Variants in UGGT1 observed in about 807,000 individuals in gnomAD.
UGGT1 encodes UDP-glucose:glycoprotein glucosyltransferase 1.
A neutral mutation model predicts 203.9 loss-of-function variants in UGGT1; 107 were observed. The observed-to-expected ratio is 0.52, with a 90% confidence interval of 0.45 to 0.62. UGGT1 has a LOEUF of 0.62. UGGT1 is among the 20% of genes least tolerant of loss of function. UGGT1 has a pLI of 0.00. For synonymous variants in UGGT1, 628 were observed against 653.5 expected (o/e 0.96, Z 0.59); for missense variants, 1,673 against 1,867.2 (o/e 0.90, Z 1.92).
chr2:128,188,243 C>T (rs1692091128), intron 40 of UGGT1, among the ~76,000 whole-genome samples: 1 of 151,820 alleles, frequency 6.6e-6, no homozygotes, highest in South Asian at 2.1e-4. Context: ...CAGGGTTTCA[C>T]CATGTTGCCC....
At chr2:128,186,593 TG>T in intron 38 of UGGT1, 89 bp from the exon 39 acceptor site, 1 of 1,057,506 alleles carries the variant, frequency 9.5e-7, no homozygotes. Context: ...GGTGACAGAG[TG>T]GGACCCCATC....
intron 6 of UGGT1, 69 bp from the exon 7 acceptor site, chr2:128,115,055 G>A: frequency 2.9e-6 from 4 of 1,401,778 alleles, no homozygotes; most frequent in Non-Finnish European, 4.0e-6. Context: ...CATTAACATG[G>A]TCATGCCATG....
In UGGT1 at chr2:128,161,127, C is replaced by G. The variant is rs551270083; in HGVS notation, c.2695-11C>G. ...TCCAGAGCTAAGCGCCTGCTCTTCT[C>G]TCCTTCACAGATCATTGGGCCACTG... On this transcript the variant is annotated splice_polypyrimidine_tract_variant and intron_variant, in intron 24 of 40. Coordinates refer to ENST00000259253, the MANE Select transcript of UGGT1 (RefSeq NM_020120.4). 1 of 1,613,586 alleles carries G rather than the reference C, an allele frequency of 6.2e-7. No individual in the cohort carries two copies. The highest frequency in any genetic ancestry group is 1.1e-5 in the South Asian group (1 of 90,962).
intron 35 of UGGT1, among the ~76,000 whole-genome samples, chr2:128,180,303 T>C (rs751400267): frequency 1.3e-5 from 2 of 152,266 alleles, no homozygotes; most frequent in South Asian, 2.1e-4. Context: ...GCATTACTTA[T>C]ATCAGTCAGT....
chr2:128,098,876 C>T (rs979060712), intron 2 of UGGT1, among the ~76,000 whole-genome samples: 1 of 151,772 alleles, frequency 6.6e-6, no homozygotes, highest in Admixed American at 6.6e-5. Flanking sequence ...TCCAAGTGTG[C>T]TTTTTAGCTA....
At chr2:128,151,410 G>A (rs542020444) in intron 18 of UGGT1, 4 of 372,834 alleles carry the variant, frequency 1.1e-5, no homozygotes, top group African/African-American at 6.3e-5. Flanking sequence ...CCTTGAACTC[G>A]ATGGGCTTCT....
chr2:128,194,413 C>T lies in UGGT1; in HGVS notation c.*4671C>T. On this transcript the variant is annotated 3_prime_UTR_variant, in exon 41 of 41. Transcript: ENST00000259253. ...TCCTGAGTAGCTGGGATTACAGGTG[C>T]CTGCCACTATGCCTAGCTAATTTTT... 6.6e-6 allele frequency: 1 copy of T among 152,310 alleles called. No homozygotes were observed. The highest frequency in any genetic ancestry group is 1.5e-5 in the Non-Finnish European group (1 of 68,110). The allele number at this position is 152,310 out of a possible 1,614,324, so 9.4% of individuals were successfully genotyped here. A position where few individuals can be genotyped will look rare whatever the true frequency, so the allele number is the denominator to read the frequency against.
chr2:128,135,448 T>C (rs1689088980), intron 15 of UGGT1, among the ~76,000 whole-genome samples: 1 of 152,234 alleles, frequency 6.6e-6, no homozygotes, highest in South Asian at 2.1e-4. Context: ...GTTTTTTTTA[T>C]TTTTTAAAGG....
Position 128,143,096 on chromosome 2 carries a change from C to CTA in UGGT1, c.1725_1726dup (p.Asn576IlefsTer4). ...CCAACTGTTTTTTCTTTCTTCAGAT[C>CTA]TATAACAAGGTGAGGACTGGAGAAA... On this transcript the variant is annotated frameshift_variant, in exon 17 of 41. Transcript: ENST00000259253. LOFTEE classifies it high-confidence loss of function. 1 of 1,593,428 alleles carries CTA rather than the reference C, an allele frequency of 6.3e-7. No individual in the cohort carries two copies. The highest frequency in any genetic ancestry group is 8.5e-7 in the Non-Finnish European group (1 of 1,170,876).
Position 128,133,172 on chromosome 2 carries a change from A to G in UGGT1, c.1409A>G (p.Tyr470Cys), listed in dbSNP as rs375802885. Residue 470 changes from tyrosine to cysteine, a missense_variant, in exon 14 of 41, where the codon TAT becomes TGT. By Grantham distance (194) the Tyr-to-Cys change is radical. Around this residue, in one of 4 missense-constraint regions of UGGT1, gnomAD observed 1,073 missense variants for 1,078.7 expected, o/e 0.99. Coordinates refer to ENST00000259253, the MANE Select transcript of UGGT1 (RefSeq NM_020120.4). ...WVNNLEVDSR[Y>C]NSWPSSLQEL... Reference sequence around the variant, plus strand: ...AACAACCTGGAGGTTGATAGCAGATATAATTCGTGGCCTTCTAGTTTACAA... The same window carrying G: ...AACAACCTGGAGGTTGATAGCAGATGTAATTCGTGGCCTTCTAGTTTACAA... 1.4e-5 allele frequency: 22 copies of G among 1,614,136 alleles called. No homozygotes were observed. Among genetic ancestry groups the G allele is most frequent in the Non-Finnish European group, 1.8e-5 (21 of 1,179,972 alleles).
At chr2:128,132,139 A>G (rs1688909348) in intron 13 of UGGT1, among the ~76,000 whole-genome samples, 1 of 151,468 alleles carries the variant, frequency 6.6e-6, no homozygotes, top group Non-Finnish European at 1.5e-5. Flanking sequence ...CTAGATTACA[A>G]TTGAGGGTGT....
At chr2:128,141,528 C>A in intron 16 of UGGT1, among the ~76,000 whole-genome samples, 1 of 151,996 alleles carries the variant, frequency 6.6e-6, no homozygotes, top group East Asian at 1.9e-4. Context: ...TGGCATGAAC[C>A]TGGCAGGCAG....
In UGGT1 at chr2:128,156,403, A is replaced by T. The variant is rs1182267296; in HGVS notation, c.2248A>T (p.Lys750Ter). 1 of 1,595,892 alleles carries T rather than the reference A, an allele frequency of 6.3e-7. No individual in the cohort carries two copies. Among genetic ancestry groups the T allele is most frequent in the Non-Finnish European group, 8.6e-7 (1 of 1,164,706 alleles). Residue 750 changes from lysine (K) to a stop codon, truncating the protein, a stop_gained, in exon 21 of 41, where the codon AAG becomes TAG. Transcript: ENST00000259253. LOFTEE classifies it high-confidence loss of function. ...NYLTKKGMSS[K>*]EIYDDSFIRP... ...TTACCTTTGTTCAGGAATGTCCTCC[A>T]AGGAAATCTATGGTAACTTAAAACT...
At chr2:128,096,734 A>G (rs561355600) in intron 1 of UGGT1, among the ~76,000 whole-genome samples, 2 of 152,238 alleles carry the variant, frequency 1.3e-5, no homozygotes, top group Non-Finnish European at 2.9e-5. Flanking sequence ...TGGGGGACAC[A>G]GTTCAACCCT....
chr2:128,164,526 G>A (rs918310392), intron 25 of UGGT1, among the ~76,000 whole-genome samples: 1 of 152,202 alleles, frequency 6.6e-6, no homozygotes. Flanking sequence ...CGTGGGTGCT[G>A]TCTCCATTTC....
intron 17 of UGGT1, among the ~76,000 whole-genome samples, chr2:128,143,696 T>C (rs908148252): frequency 6.6e-6 from 1 of 152,232 alleles, no homozygotes; most frequent in African/African-American, 2.4e-5. Context: ...TTAGAGGCTC[T>C]TCTGTATACA....
intron 31 of UGGT1, among the ~76,000 whole-genome samples, chr2:128,175,367 T>C (rs1003184225): frequency 8.5e-5 from 13 of 152,264 alleles, no homozygotes; most frequent in African/African-American, 3.1e-4. Flanking sequence ...TAAGGTTTAC[T>C]GCACATATTT....
Position 128,159,494 on chromosome 2 carries a change from G to A in UGGT1, c.2356-20G>A, listed in dbSNP as rs73955960. 1.2e-3 allele frequency: 1,915 copies of A among 1,609,484 alleles called. 17 individuals carry two copies. In the African/African-American group the frequency reaches 0.018, roughly 15 times the overall value. On this transcript the variant is annotated intron_variant, in intron 22 of 40. Transcript: ENST00000259253. The stretch of plus-strand genomic sequence containing the variant: ...CAAAAATATCTACAATATGACTCCC[G>A]TTTCCCATTTTGTGAACAGAAATCC...
chr2:128,167,609 A>C (rs539693645), intron 26 of UGGT1, among the ~76,000 whole-genome samples: 3 of 152,226 alleles, frequency 2.0e-5, no homozygotes, highest in Non-Finnish European at 4.4e-5. Context: ...TACTAAGCAC[A>C]GTATTCGTTG....
Sources: allele counts gnomAD v4.1 joint callset (sites outside exome capture counted in the v4.1 genomes callset), GRCh38; gene constraint gnomAD v4.1.1; regional missense constraint gnomAD v4.1.1; transcripts MANE v1.5; gene names NCBI Gene and HGNC (gene_info 2026-07-23, HGNC 2026-07-21).